Variants in BICD2 observed in about 807,000 individuals in gnomAD.
BICD2 encodes protein bicaudal D homolog 2.
Under a neutral mutation model 72.9 loss-of-function variants are expected in BICD2, and 25 were observed. The observed-to-expected ratio is 0.34, with a 90% CI of 0.25 to 0.48. The LOEUF (loss-of-function observed/expected upper bound fraction) is 0.48, where lower values mean the gene tolerates loss of function less well. Ranked by LOEUF, BICD2 falls within the 20% of genes least tolerant of loss-of-function variation. The pLI is 0.99. For synonymous variants in BICD2, 501 were observed against 516.1 expected, an observed-to-expected ratio of 0.97 and a Z score of 0.40; for missense variants, 894 against 1,175.2, an observed-to-expected ratio of 0.76 and a Z score of 3.50.
intron 1 of BICD2, among the ~76,000 whole-genome samples, chr9:92,735,782 A>T (rs778711683): frequency 7.2e-5 from 11 of 152,276 alleles, no homozygotes; most frequent in Non-Finnish European, 1.2e-4. Context: ...TCACGGGCAC[A>T]CAGCACACTG....
At chr9:92,734,469 G>A (rs965554550) in intron 1 of BICD2, among the ~76,000 whole-genome samples, 1 of 146,904 alleles carries the variant, frequency 6.8e-6, no homozygotes, top group African/African-American at 2.6e-5. Flanking sequence ...AGTCATGATC[G>A]CACCACTGTA....
chr9:92,717,831 T>C lies in BICD2; in HGVS notation c.2224A>G (p.Thr742Ala). 6.2e-7 allele frequency: 1 copy of C among 1,611,970 alleles called. No homozygotes were observed. Among genetic ancestry groups the C allele is most frequent in the Non-Finnish European group, 8.5e-7 (1 of 1,179,770 alleles). Residue 742 changes from threonine (T) to alanine (A), a missense_variant, in exon 6 of 7, where the codon ACC becomes GCC. By Grantham distance (58) the Thr-to-Ala change is moderately conservative. Transcript: ENST00000356884. ...AACATAGCACGCAGCGAGGAGAAGG[T>C]GGCTGCGTCCTCCTTGAGGGCCTTG... ...ELKALKEDAA[T>A]FSSLRAMFAT...
At chr9:92,756,447 G>C (rs899366707) in intron 1 of BICD2, among the ~76,000 whole-genome samples, 1 of 151,694 alleles carries the variant, frequency 6.6e-6, no homozygotes, top group Admixed American at 6.6e-5. Context: ...ATTTTTAGTA[G>C]AGACGGGGTT....
intron 1 of BICD2, among the ~76,000 whole-genome samples, chr9:92,742,756 T>G (rs1482881727): frequency 6.6e-6 from 1 of 152,114 alleles, no homozygotes; most frequent in Non-Finnish European, 1.5e-5. Context: ...CTCTCCCCAC[T>G]GCCATCCTGA....
Position 92,718,648 on chromosome 9 carries a change from T to C in BICD2, c.1997A>G (p.Asp666Gly). 6.2e-7 allele frequency: 1 copy of C among 1,614,002 alleles called. No homozygotes were observed. The highest frequency in any genetic ancestry group is 8.5e-7 in the Non-Finnish European group (1 of 1,180,024). The change falls in exon 5 of 7, where the codon GAC becomes GGC. Residue 666 changes from aspartate to glycine, a missense_variant. Physicochemically the swap from Asp to Gly is moderately conservative, Grantham distance 94. This residue lies in a region of BICD2 where 321 missense variants were observed against 443.9 expected (regional missense o/e 0.72). Transcript: ENST00000356884. The part of the protein sequence containing the change: ...IASQELGPAV[D>G]KDKEALMEEI... The stretch of plus-strand genomic sequence containing the variant: ...CTCCATAAGCGCTTCCTTGTCCTTG[T>C]CCACGGCGGGGCCCAGCTCCTGAGA...
rs772051872 is a variant in BICD2, at chr9:92,718,791, A to G, written c.1854T>C (p.Ser618=). The G allele has an allele frequency of 6.2e-7, 1 of 1,613,628 alleles. No homozygotes were observed. Among genetic ancestry groups the G allele is most frequent in the South Asian group, 1.1e-5 (1 of 91,072 alleles). Residue 618 remains serine, a synonymous_variant, in exon 5 of 7, where the codon AGT becomes AGC. Coordinates refer to ENST00000356884, the MANE Select transcript of BICD2 (RefSeq NM_001003800.2). ...TGTTCATGGGCTCCCGGCGTGGGTC[A>G]CTCAGGGGTGATGGCAGTGAGGAGC... is the stretch of plus-strand genomic sequence containing the variant. ...SPGSSLPSPL[S]DPRREPMNIY...
chr9:92,718,444 G>A, intron 5 of BICD2, 95 bp downstream of exon 5: 1 of 1,457,474 alleles, frequency 6.9e-7, no homozygotes. Flanking sequence ...CGCAGGCCTG[G>A]GGGGGCCCCG....
intron 1 of BICD2, among the ~76,000 whole-genome samples, chr9:92,755,801 G>A (rs1258388835): frequency 6.6e-6 from 1 of 152,216 alleles, no homozygotes. Flanking sequence ...AGCAGATGGG[G>A]AGCCCAGGCA....
intron 1 of BICD2, among the ~76,000 whole-genome samples, chr9:92,743,229 G>A (rs988076976): frequency 6.6e-6 from 1 of 152,056 alleles, no homozygotes; most frequent in Non-Finnish European, 1.5e-5. Flanking sequence ...GTCTCACTCT[G>A]TCACCCAGAC....
chr9:92,715,068 G>C lies in BICD2; in HGVS notation c.*86C>G. The stretch of plus-strand genomic sequence containing the variant: ...ACCCTCTGTGCATTAGTCACGTTAA[G>C]ATTGACCTAGCACCGCCGTCCCGCT... On this transcript the variant is annotated 3_prime_UTR_variant, in exon 7 of 7. Coordinates refer to ENST00000356884, the MANE Select transcript of BICD2 (RefSeq NM_001003800.2). 2.7e-6 allele frequency: 4 copies of C among 1,495,540 alleles called. No individual in the cohort carries two copies. Among genetic ancestry groups the C allele is most frequent in the Non-Finnish European group, 1.8e-6 (2 of 1,121,174 alleles). The allele number at this position is 1,495,540 out of a possible 1,614,324, so 92.6% of individuals were successfully genotyped here. A position where few individuals can be genotyped will look rare whatever the true frequency, so the allele number is the denominator to read the frequency against.
chr9:92,713,725 CT>C lies in BICD2; in HGVS notation c.*1428del. On this transcript the variant is annotated 3_prime_UTR_variant, in exon 7 of 7. Transcript: ENST00000356884. ...TGCCAGCAGCCATCCCACTGCGAGT[CT>C]TGCTGGGGCAGGGGGATCTGGGCCC... 1 of 1,365,876 alleles carries C rather than the reference CT, an allele frequency of 7.3e-7. No homozygotes were observed. The highest frequency in any genetic ancestry group is 9.5e-7 in the Non-Finnish European group (1 of 1,054,566). 84.6% of individuals were successfully genotyped at this position (1,365,876 alleles called of 1,614,324 possible). A position where few individuals can be genotyped will look rare whatever the true frequency, so the allele number is the denominator to read the frequency against.
chr9:92,735,945 T>A (rs1435513199), intron 1 of BICD2, among the ~76,000 whole-genome samples: 3 of 152,134 alleles, frequency 2.0e-5, no homozygotes, highest in East Asian at 3.9e-4. Context: ...ACTGCCCACA[T>A]CCAGACTCCA....
intron 3 of BICD2, among the ~76,000 whole-genome samples, chr9:92,721,474 G>A (rs759793303): frequency 1.3e-5 from 2 of 152,258 alleles, no homozygotes; most frequent in African/African-American, 2.4e-5. Context: ...GCCTGATGTG[G>A]AGGCTCAGAA....
In BICD2 at chr9:92,712,658, T is replaced by C. The variant is rs528732083; in HGVS notation, c.*2496A>G. ...AAATTCTGGAATTTGTAGGTAATACTACTCATTCAATAATTTATCTTTTTT... is the reference window on the plus strand; with the variant it reads ...AAATTCTGGAATTTGTAGGTAATACCACTCATTCAATAATTTATCTTTTTT... On this transcript the variant is annotated 3_prime_UTR_variant, in exon 7 of 7. Coordinates refer to ENST00000356884, the MANE Select transcript of BICD2 (RefSeq NM_001003800.2). The C allele has an allele frequency of 2.0e-5, 3 of 152,648 alleles. No individual in the cohort carries two copies. The highest frequency in any genetic ancestry group is 1.9e-4 in the East Asian group (1 of 5,192). The allele number at this position is 152,648 out of a possible 1,614,324, so 9.5% of individuals were successfully genotyped here.
rs772242864 is a variant in BICD2, at chr9:92,714,294, G to C, written c.*860C>G. ...TGTCTTTGGGACTGAACCCCCTATG[G>C]AAGGCCGGATAATTGGCTGCTGGGG... On this transcript the variant is annotated 3_prime_UTR_variant, in exon 7 of 7. Transcript: ENST00000356884. 84 of 985,396 alleles carry C rather than the reference G, an allele frequency of 8.5e-5. No homozygotes were observed. The highest frequency in any genetic ancestry group is 9.4e-5 in the Non-Finnish European group (78 of 829,972). 61.0% of individuals were successfully genotyped at this position (985,396 alleles called of 1,614,324 possible).
chr9:92,743,737 G>C (rs888765062), intron 1 of BICD2, among the ~76,000 whole-genome samples: 1 of 152,120 alleles, frequency 6.6e-6, no homozygotes, highest in African/African-American at 2.4e-5. Flanking sequence ...CGCTGGGTCA[G>C]AACTACTGCC....
chr9:92,740,940 G>A (rs1189860500), intron 1 of BICD2, among the ~76,000 whole-genome samples: 1 of 152,220 alleles, frequency 6.6e-6, no homozygotes, highest in Non-Finnish European at 1.5e-5. Context: ...CCAGGAGGGA[G>A]TCTGGGTGCT....
intron 2 of BICD2, among the ~76,000 whole-genome samples, chr9:92,725,404 T>C (rs1853548511): frequency 1.3e-5 from 2 of 152,372 alleles, no homozygotes; most frequent in South Asian, 4.1e-4. Context: ...CCCACACTAC[T>C]GGGCGTAGGC....
intron 1 of BICD2, among the ~76,000 whole-genome samples, chr9:92,758,509 G>A (rs1854308273): frequency 7.4e-6 from 1 of 136,036 alleles, no homozygotes; most frequent in Non-Finnish European, 1.5e-5. Context: ...CCAAGATCGA[G>A]CTACTGTACT....
Sources: allele counts gnomAD v4.1 joint callset (sites outside exome capture counted in the v4.1 genomes callset), GRCh38; gene constraint gnomAD v4.1.1; regional missense constraint gnomAD v4.1.1; transcripts MANE v1.5; gene names NCBI Gene and HGNC (gene_info 2026-07-23, HGNC 2026-07-21).